SPNS2: variants seen among roughly 807,000 people sequenced by gnomAD.
The protein encoded by SPNS2 is sphingosine-1-phosphate transporter SPNS2.
A neutral mutation model predicts 57.6 loss-of-function variants in SPNS2; 37 were observed. The observed-to-expected ratio is 0.64, with a 90% CI of 0.49 to 0.85. The LOEUF is 0.85. Among genes scored for constraint, SPNS2 ranks in the 40% least tolerant of loss-of-function variants. SPNS2 has a pLI of 0.00. For missense variants in SPNS2, 831 were observed against 779.1 expected (o/e 1.07, Z -0.79); for synonymous variants, 440 against 346.9 (o/e 1.27, Z -2.98).
chr17:4,513,414 T>A, intron 2 of SPNS2, 102 bp downstream of exon 2: 2 of 1,276,954 alleles, frequency 1.6e-6, no homozygotes, highest in Non-Finnish European at 2.2e-6. Context: ...TCCCCTGTCC[T>A]GACTCCTGGA....
chr17:4,535,309 G>A (rs557770249), intron 9 of SPNS2, among the ~76,000 whole-genome samples: 142 of 152,322 alleles, frequency 9.3e-4, no homozygotes, highest in African/African-American at 3.2e-3. Context: ...GGGTGCGAGC[G>A]GAGGCTCTTG....
Position 4,537,802 on chromosome 17 carries a change from G to A in SPNS2, c.*354G>A, listed in dbSNP as rs571394784. On this transcript the variant is annotated 3_prime_UTR_variant, in exon 13 of 13. Transcript: ENST00000329078. ...CTTGGGCAAGTCCCTGCCCTCCCTG[G>A]AACGAAGGGCCAGGGGGCTGGACTT... is the stretch of plus-strand genomic sequence containing the variant. 784 of 455,658 alleles carry A rather than the reference G, an allele frequency of 1.7e-3. 3 individuals are homozygous for A. The highest frequency in any genetic ancestry group is 8.4e-4 in the Non-Finnish European group (191 of 226,206). 28.2% of individuals were successfully genotyped at this position (455,658 alleles called of 1,614,324 possible). A position where few individuals can be genotyped will look rare whatever the true frequency, so the allele number is the denominator to read the frequency against.
intron 1 of SPNS2, among the ~76,000 whole-genome samples, chr17:4,509,977 A>G (rs2144315231): frequency 6.6e-6 from 1 of 152,284 alleles, no homozygotes; most frequent in Middle Eastern, 3.4e-3. Flanking sequence ...GCCTCCAGGA[A>G]AGAGGCTAAA....
At chr17:4,532,825 C>T (rs1276088351) in intron 6 of SPNS2, 141 bp downstream of exon 6, 9 of 1,452,814 alleles carry the variant, frequency 6.2e-6, no homozygotes, top group African/African-American at 1.4e-5. Context: ...ACATTTTGGC[C>T]CCAGAATCGA....
At chr17:4,503,459 C>T (rs763565958) in intron 1 of SPNS2, among the ~76,000 whole-genome samples, 23 of 152,236 alleles carry the variant, frequency 1.5e-4, no homozygotes, top group Non-Finnish European at 3.2e-4. Flanking sequence ...GGGTCTCACG[C>T]CCCCTCTAAC....
At chr17:4,536,749 C>T (rs1355193831) in intron 11 of SPNS2, 151 bp from the exon 12 acceptor site, 1 of 705,850 alleles carries the variant, frequency 1.4e-6, no homozygotes, top group Non-Finnish European at 2.5e-6. Context: ...CCTCTCCCCA[C>T]CCCTGGGCTC....
Position 4,533,734 on chromosome 17 carries a change from T to C in SPNS2, c.1279-54T>C, listed in dbSNP as rs1045567306. ...GCCAGTGTGTAGGGAACAGAGACTG[T>C]GGTTGCTGCGGATGGAGGGACCGCT... On this transcript the variant is annotated intron_variant, in intron 8 of 12. Coordinates refer to ENST00000329078, the MANE Select transcript of SPNS2 (RefSeq NM_001124758.3). 8.8e-6 allele frequency: 14 copies of C among 1,593,288 alleles called. No homozygotes were observed. In the African/African-American group the frequency reaches 1.6e-4, roughly 18 times the overall value.
chr17:4,532,476 C>T, intron 5 of SPNS2, 66 bp from the exon 6 acceptor site: 1 of 1,610,906 alleles, frequency 6.2e-7, no homozygotes, highest in Non-Finnish European at 8.5e-7. Flanking sequence ...TTGCCTGAGT[C>T]CCTCCTTCTG....
chr17:4,538,512 ACACACCAGGATGCAGCTGCCAACTT>A lies in SPNS2; in HGVS notation c.*1073_*1097del. ...TCGATCACCCACCTCCCATCCATGC[ACACACCAGGATGCAGCTGCCAACTT>A]CACACCAGCCCCAACCCGCTTTGGG... On this transcript the variant is annotated 3_prime_UTR_variant, in exon 13 of 13. Transcript: ENST00000329078. The A allele has an allele frequency of 3.4e-6, 1 of 292,966 alleles. No homozygotes were observed. The highest frequency in any genetic ancestry group is 2.3e-5 in the African/African-American group (1 of 44,288). The allele number at this position is 292,966 out of a possible 1,614,324, so 18.1% of individuals were successfully genotyped here. A position where few individuals can be genotyped will look rare whatever the true frequency, so the allele number is the denominator to read the frequency against.
intron 9 of SPNS2, among the ~76,000 whole-genome samples, chr17:4,535,254 G>C (rs370568444): frequency 2.0e-5 from 3 of 152,302 alleles, no homozygotes; most frequent in Admixed American, 2.0e-4. Flanking sequence ...TCTGATGGGG[G>C]TCTGGGGCCC....
chr17:4,529,813 G>A (rs572861292), intron 3 of SPNS2, among the ~76,000 whole-genome samples: 33 of 152,296 alleles, frequency 2.2e-4, no homozygotes, highest in African/African-American at 7.0e-4. Context: ...GAAAAAGAGA[G>A]ACAAGCATGA....
intron 2 of SPNS2, among the ~76,000 whole-genome samples, chr17:4,516,665 T>C (rs1166595196): frequency 6.6e-6 from 1 of 152,228 alleles, no homozygotes; most frequent in Non-Finnish European, 1.5e-5. Flanking sequence ...AGTTAGAGTT[T>C]GTAGTCAGTG....
At chr17:4,507,570 G>A (rs1341124977) in intron 1 of SPNS2, among the ~76,000 whole-genome samples, 1 of 152,226 alleles carries the variant, frequency 6.6e-6, no homozygotes, top group African/African-American at 2.4e-5. Context: ...GAGGAAACTG[G>A]CACAGAGAGG....
chr17:4,532,616 C>CGACCAGCTCGGG lies in SPNS2; in HGVS notation c.877_888dup (p.Gly293_Leu296dup), dbSNP rs760450906. 792 of 1,614,142 alleles carry CGACCAGCTCGGG rather than the reference C, an allele frequency of 4.9e-4. No individual in the cohort carries two copies. The highest frequency in any genetic ancestry group is 6.1e-4 in the Non-Finnish European group (725 of 1,180,024). The stretch of plus-strand genomic sequence containing the variant: ...TCCCAGCCACTAAAAGGGGTCATGC[C>CGACCAGCTCGGG]GACCAGCTCGGGGACCAGCTCAAGG... On this transcript the variant is annotated inframe_insertion, in exon 6 of 13. Transcript: ENST00000329078.
At chr17:4,503,678 G>A (rs749739) in intron 1 of SPNS2, among the ~76,000 whole-genome samples, 14,909 of 152,276 alleles carry the variant, frequency 0.098, 828 homozygotes, top group Middle Eastern at 0.17. Flanking sequence ...TGGGGTACCT[G>A]TTCTCTTCTC....
In SPNS2 at chr17:4,533,802, C is replaced by T. The variant is rs773477966; in HGVS notation, c.1293C>T (p.Val431=). 5.0e-5 allele frequency: 80 copies of T among 1,613,734 alleles called. No homozygotes were observed. The highest frequency in any genetic ancestry group is 4.3e-5 in the Non-Finnish European group (51 of 1,180,022). Residue 431 remains valine (V), a synonymous_variant, in exon 9 of 13, where the codon GTC becomes GTT. Coordinates refer to ENST00000329078, the MANE Select transcript of SPNS2 (RefSeq NM_001124758.3). ...CTCCCCGGCAGATCTGTATCTTCGTCGGGGAGACGCTGCTGTTTTCTAACT... is the reference window on the plus strand; with the variant it reads ...CTCCCCGGCAGATCTGTATCTTCGTTGGGGAGACGCTGCTGTTTTCTAACT... The part of the protein sequence containing the change: ...SIVGAYICIF[V]GETLLFSNWA...
At chr17:4,535,870 G>A (rs1195097414) in intron 9 of SPNS2, among the ~76,000 whole-genome samples, 1 of 151,824 alleles carries the variant, frequency 6.6e-6, no homozygotes, top group African/African-American at 2.4e-5. Flanking sequence ...AAGGGTGACT[G>A]GCAGGAGAGA....
chr17:4,538,797 AGGATGGGGT>A lies in SPNS2; in HGVS notation c.*1352_*1360del. 1 of 756,698 alleles carries A rather than the reference AGGATGGGGT, an allele frequency of 1.3e-6. No individual in the cohort carries two copies. The highest frequency in any genetic ancestry group is 2.4e-6 in the Non-Finnish European group (1 of 411,188). 46.9% of individuals were successfully genotyped at this position (756,698 alleles called of 1,614,324 possible). A position where few individuals can be genotyped will look rare whatever the true frequency, so the allele number is the denominator to read the frequency against. ...TGGGGTACCCCGAGGGCCTGACAAG[AGGATGGGGT>A]GGGGGTGGCATCCTCCAAAGACCAG... On this transcript the variant is annotated 3_prime_UTR_variant, in exon 13 of 13. Transcript: ENST00000329078.
intron 3 of SPNS2, 151 bp downstream of exon 3, chr17:4,525,344 C>A: frequency 8.3e-7 from 1 of 1,199,876 alleles, no homozygotes; most frequent in Non-Finnish European, 1.1e-6. Context: ...GACAGGTGGT[C>A]TTCGGGTATT....
Sources: gnomAD v4.1 joint callset for allele counts (sites outside exome capture counted in the v4.1 genomes callset) on GRCh38, gnomAD v4.1.1 for gene constraint, MANE v1.5 for transcripts, NCBI Gene and HGNC (gene_info 2026-07-23, HGNC 2026-07-21) for gene names.